Variants in PIK3AP1 observed in about 807,000 individuals in gnomAD.
The protein encoded by PIK3AP1 is phosphoinositide 3-kinase adapter protein 1.
Under a neutral mutation model 88.1 loss-of-function variants are expected in PIK3AP1, and 21 were observed. The ratio of observed to expected loss-of-function variants is 0.24; its 90% CI spans 0.17 to 0.34. The LOEUF is 0.34. Ranked by LOEUF, PIK3AP1 falls within the 10% of genes least tolerant of loss-of-function variation. The pLI is 1.00. For synonymous variants in PIK3AP1, 398 were observed against 400.0 expected (o/e 1.00, Z 0.06); for missense variants, 828 against 1,035.7 (o/e 0.80, Z 2.75).
chr10:96,620,526 G>A lies in PIK3AP1; in HGVS notation c.1767C>T (p.Pro589=), dbSNP rs1290808778. Residue 589 remains proline, a synonymous_variant, in exon 12 of 17, where the codon CCC becomes CCT. Transcript: ENST00000339364. ...CAAAAGGGTCATATATACTCGACTG[G>A]GGCCTGTCCCTCCATGGTCTGACGG... ...GPPVRPWRDR[P]QSSIYDPFAG... 1 of 1,613,180 alleles carries A rather than the reference G, an allele frequency of 6.2e-7. No homozygotes were observed. Among genetic ancestry groups the A allele is most frequent in the Non-Finnish European group, 8.5e-7 (1 of 1,180,020 alleles).
At chr10:96,647,535 A>G (rs1843476322) in intron 7 of PIK3AP1, among the ~76,000 whole-genome samples, 2 of 152,216 alleles carry the variant, frequency 1.3e-5, no homozygotes, top group Admixed American at 1.3e-4. Context: ...CTGAGTAAAT[A>G]CACCCAGACT....
At chr10:96,692,224 T>A (rs1844163293) in intron 2 of PIK3AP1, among the ~76,000 whole-genome samples, 1 of 152,144 alleles carries the variant, frequency 6.6e-6, no homozygotes, top group African/African-American at 2.4e-5. Flanking sequence ...AAAGGTCAAA[T>A]GTGTTGTGAA....
intron 2 of PIK3AP1, among the ~76,000 whole-genome samples, chr10:96,657,238 C>A (rs74527499): frequency 6.6e-6 from 1 of 152,136 alleles, no homozygotes; most frequent in East Asian, 1.9e-4. Context: ...TACCTGCAGA[C>A]TTCCTGCAGG....
intron 2 of PIK3AP1, among the ~76,000 whole-genome samples, chr10:96,691,775 G>A (rs1476834850): frequency 6.6e-6 from 1 of 152,146 alleles, no homozygotes; most frequent in Non-Finnish European, 1.5e-5. Context: ...ATCATTTTCT[G>A]AGTATTCCTA....
At chr10:96,617,447 G>C (rs1195832226) in intron 12 of PIK3AP1, among the ~76,000 whole-genome samples, 2 of 152,208 alleles carry the variant, frequency 1.3e-5, no homozygotes, top group African/African-American at 2.4e-5. Flanking sequence ...AAACTGGAAA[G>C]GGGGGTTGGT....
intron 15 of PIK3AP1, among the ~76,000 whole-genome samples, chr10:96,603,083 C>CA (rs1444271003): frequency 1.3e-5 from 2 of 152,328 alleles, no homozygotes; most frequent in East Asian, 3.9e-4. Flanking sequence ...CTCCTTCCCA[C>CA]AGATGCCCCT....
chr10:96,709,789 GC>G lies in PIK3AP1; in HGVS notation c.207del (p.Leu70CysfsTer43). ...TGCTGCACCAGCTCCGCGGACAGCA[GC>G]ACCACGACACAGCGGGTGCTGAGGA... ...SLFLSTRCVV[V>X]LLSAELVQHF... On this transcript the variant is annotated frameshift_variant, in exon 2 of 17. Transcript: ENST00000339364. LOFTEE classifies it high-confidence loss of function. The G allele has an allele frequency of 6.2e-7, 1 of 1,613,570 alleles. No individual in the cohort carries two copies.
chr10:96,616,591 G>A (rs368204909), intron 13 of PIK3AP1, 48 bp downstream of exon 13: 12 of 1,590,386 alleles, frequency 7.5e-6, no homozygotes, highest in Non-Finnish European at 1.0e-5. Flanking sequence ...AAGGACAACA[G>A]ATGACAGCAA....
At chr10:96,647,433 G>A (rs1843474613) in intron 7 of PIK3AP1, among the ~76,000 whole-genome samples, 1 of 152,160 alleles carries the variant, frequency 6.6e-6, no homozygotes, top group African/African-American at 2.4e-5. Context: ...ATAAATACTA[G>A]TTACTACTAT....
chr10:96,637,088 G>T (rs1843321463), intron 8 of PIK3AP1, among the ~76,000 whole-genome samples: 1 of 152,080 alleles, frequency 6.6e-6, no homozygotes, highest in Non-Finnish European at 1.5e-5. Flanking sequence ...TAGGCCAAAA[G>T]AATTTTTTTC....
rs138403288 is a variant in PIK3AP1 at position 96,700,135 on chromosome 10, T to C, written c.430+9432A>G. Among the ~76,000 whole-genome samples the C allele has an allele frequency of 2.2e-3, 330 of 152,338 alleles. 2 individuals are homozygous for C. Among genetic ancestry groups the C allele is most frequent in the Middle Eastern group, 0.01 (3 of 294 alleles). ...AGCATTCGTGACTCCCTTTTCCCCGTGGCTCACCAAACACAGTTGACATAG... is the reference window on the plus strand; with the variant it reads ...AGCATTCGTGACTCCCTTTTCCCCGCGGCTCACCAAACACAGTTGACATAG... On this transcript the variant is annotated intron_variant, in intron 2 of 16. Transcript: ENST00000339364.
chr10:96,669,556 C>T (rs189564008), intron 2 of PIK3AP1: 320 of 151,892 alleles, frequency 2.1e-3, no homozygotes, highest in Non-Finnish European at 4.1e-3. Flanking sequence ...TTTGGGAAGC[C>T]GAGTCGGGAG....
At chr10:96,688,149 T>C (rs1475649366) in intron 2 of PIK3AP1, among the ~76,000 whole-genome samples, 5 of 152,174 alleles carry the variant, frequency 3.3e-5, no homozygotes, top group Non-Finnish European at 7.4e-5. Context: ...AAGCACCTCA[T>C]GGCATTTTCA....
intron 8 of PIK3AP1, among the ~76,000 whole-genome samples, chr10:96,632,250 C>T (rs1843254264): frequency 6.6e-6 from 1 of 152,144 alleles, no homozygotes; most frequent in Admixed American, 6.5e-5. Context: ...TGAACAAGGT[C>T]TATAATTTAG....
At chr10:96,696,621 C>T (rs1168564489) in intron 2 of PIK3AP1, among the ~76,000 whole-genome samples, 1 of 152,130 alleles carries the variant, frequency 6.6e-6, no homozygotes, top group South Asian at 2.1e-4. Flanking sequence ...ATTTCCTCTG[C>T]CCCCATTATC....
chr10:96,678,558 C>G (rs906143944), intron 2 of PIK3AP1, among the ~76,000 whole-genome samples: 2 of 152,194 alleles, frequency 1.3e-5, no homozygotes, highest in African/African-American at 2.4e-5. Flanking sequence ...GCTTGAACCA[C>G]TGTACCTGGC....
At chr10:96,646,258 TAA>T (rs55906067) in intron 7 of PIK3AP1, among the ~76,000 whole-genome samples, 4 of 144,692 alleles carry the variant, frequency 2.8e-5, no homozygotes, top group Non-Finnish European at 3.0e-5. Context: ...AGACTCTGTC[TAA>T]AAAAAAAAAA....
At chr10:96,700,372 G>A (rs773885128) in intron 2 of PIK3AP1, among the ~76,000 whole-genome samples, 3 of 152,094 alleles carry the variant, frequency 2.0e-5, no homozygotes, top group Non-Finnish European at 4.4e-5. Flanking sequence ...ATTAGTCCTC[G>A]TTAACTATTC....
rs1177116479 is a variant in PIK3AP1 at position 96,687,280 on chromosome 10, A to AAAAAAG, written c.430+22281_430+22286dup. Among the ~76,000 whole-genome samples, 166 of 121,506 alleles carry AAAAAAG rather than the reference A, an allele frequency of 1.4e-3. 6 individuals carry two copies. The highest frequency in any genetic ancestry group is 4.0e-3 in the Middle Eastern group (1 of 248). 79.7% of individuals were successfully genotyped at this position (121,506 alleles called of 152,430 possible). A position where few individuals can be genotyped will look rare whatever the true frequency, so the allele number is the denominator to read the frequency against. On this transcript the variant is annotated intron_variant, in intron 2 of 16. Transcript: ENST00000339364. ...CAAAAAAAAAAAAAAAAAAAAAAAA[A>AAAAAAG]AAAAAGAAAAAAGATCTCCTCCTTT...
Sources: gnomAD v4.1 joint callset for allele counts (sites outside exome capture counted in the v4.1 genomes callset) on GRCh38, gnomAD v4.1.1 for gene constraint, MANE v1.5 for transcripts, NCBI Gene and HGNC (gene_info 2026-07-23, HGNC 2026-07-21) for gene names.